Variants in PDZD9 observed in about 807,000 individuals in gnomAD.
The protein encoded by PDZD9 is PDZ domain containing 9, also known as PDZ domain-containing protein 9.
Under a neutral mutation model 16.3 loss-of-function variants are expected in PDZD9, and 13 were observed. The ratio of observed to expected loss-of-function variants is 0.80; its 90% CI spans 0.52 to 1.27. PDZD9 has a LOEUF of 1.27. Ranked by LOEUF, PDZD9 falls within the 50% of genes most tolerant of loss-of-function variation. PDZD9 has a pLI of 0.00. For missense variants in PDZD9, 288 were observed against 310.9 expected, an observed-to-expected ratio of 0.93 and a Z score of 0.55; for synonymous variants, 120 against 111.0, an observed-to-expected ratio of 1.08 and a Z score of -0.51.
intron 3 of PDZD9, among the ~76,000 whole-genome samples, chr16:21,986,194 T>C (rs1898872392): frequency 6.6e-6 from 1 of 152,222 alleles, no homozygotes; most frequent in African/African-American, 2.4e-5. Flanking sequence ...ATACTAGCTT[T>C]GTGAAAGCAT....
At chr16:21,989,715 G>T (rs1898976057) in intron 2 of PDZD9, among the ~76,000 whole-genome samples, 2 of 152,160 alleles carry the variant, frequency 1.3e-5, no homozygotes, top group Non-Finnish European at 2.9e-5. Flanking sequence ...TTGACAGCTA[G>T]GTTTCCCTAC....
the PDZD9 span, chr16:21,972,268 A>G: frequency 9.4e-7 from 1 of 1,059,396 alleles, no homozygotes; most frequent in South Asian, 1.6e-5. Flanking sequence ...TGATTTTAGT[A>G]TCTTTGAAGG....
At chr16:21,985,264 A>G (rs1898848816) in intron 3 of PDZD9, among the ~76,000 whole-genome samples, 2 of 152,074 alleles carry the variant, frequency 1.3e-5, no homozygotes, top group South Asian at 4.1e-4. Flanking sequence ...ACAGGTGTGT[A>G]TGCTGTATGC....
In PDZD9 at chr16:22,001,039, CT is replaced by C. The variant is rs750744332; in HGVS notation, c.8del (p.Lys3ArgfsTer23). 1 of 1,532,330 alleles carries C rather than the reference CT, an allele frequency of 6.5e-7. No individual in the cohort carries two copies. The highest frequency in any genetic ancestry group is 1.2e-5 in the South Asian group (1 of 83,126). The allele number at this position is 1,532,330 out of a possible 1,614,324, so 94.9% of individuals were successfully genotyped here. A position where few individuals can be genotyped will look rare whatever the true frequency, so the allele number is the denominator to read the frequency against. On this transcript the variant is annotated frameshift_variant, in exon 1 of 4. Coordinates refer to ENST00000424898, the MANE Select transcript of PDZD9 (RefSeq NM_001363519.1). LOFTEE classifies it high-confidence loss of function. The stretch of plus-strand genomic sequence containing the variant: ...TACCTTTTTTGTTTTTGTGGGAGGC[CT>C]TCTGCATGGTCCCGGGAGGTCAGGC... MQKASHKNKKERG... is the reference protein window; with the variant it reads MQXASHKNKKERG...
intron 1 of PDZD9, chr16:21,999,363 G>C (rs751659723): frequency 4.0e-5 from 8 of 200,552 alleles, no homozygotes; most frequent in Non-Finnish European, 7.6e-5. Flanking sequence ...AGAGTGAGCT[G>C]CTGTGTTTGG....
At chr16:21,963,171 G>A in the PDZD9 span, 1 of 217,796 alleles carries the variant, frequency 4.6e-6, no homozygotes, top group Admixed American at 5.2e-5. Context: ...TGTATTTTTA[G>A]TAGAAACAGG....
the PDZD9 span, chr16:21,971,657 A>C: frequency 6.3e-7 from 1 of 1,596,958 alleles, no homozygotes; most frequent in East Asian, 2.2e-5. Flanking sequence ...ATTTATCAGA[A>C]GGGCGTTTCC....
the PDZD9 span, among the ~76,000 whole-genome samples, chr16:21,960,793 C>T: frequency 6.6e-6 from 1 of 151,988 alleles, no homozygotes; most frequent in Non-Finnish European, 1.5e-5. Context: ...AGCAGCTGGT[C>T]AGTGGAACAC....
chr16:21,980,620 G>T, downstream of PDZD9: 3 of 1,614,132 alleles, frequency 1.9e-6, no homozygotes, highest in Non-Finnish European at 2.5e-6. Flanking sequence ...CGGGTCCCAG[G>T]CTCTAGTTGC....
At chr16:21,958,576 T>C in the PDZD9 span, 2 of 1,612,476 alleles carry the variant, frequency 1.2e-6, no homozygotes, top group South Asian at 1.1e-5. Context: ...CCCGTGGAAT[T>C]GAAGCAGTTG....
downstream of PDZD9, chr16:21,983,515 A>G: frequency 3.1e-6 from 1 of 320,034 alleles, no homozygotes; most frequent in East Asian, 4.8e-5. Context: ...ATAGTGCCAG[A>G]TTACTATTGG....
chr16:21,957,698 A>G, the PDZD9 span: 1 of 1,307,236 alleles, frequency 7.6e-7, no homozygotes, highest in African/African-American at 1.5e-5. Context: ...CGGACTGGGT[A>G]GCTTAAACCA....
At chr16:21,963,105 C>G in the PDZD9 span, 1 of 396,524 alleles carries the variant, frequency 2.5e-6, no homozygotes, top group South Asian at 3.2e-5. Flanking sequence ...TCTCCTGCCT[C>G]AGCCTCCTGA....
In PDZD9 at chr16:21,996,368, G is replaced by T. The variant is rs1459862652; in HGVS notation, c.165C>A (p.His55Gln). The change falls in exon 2 of 4, where the codon CAC (histidine) becomes CAA (glutamine). Residue 55 changes from histidine to glutamine, a missense_variant. Physicochemically the swap from His to Gln is conservative, Grantham distance 24 (BLOSUM62 0). Transcript: ENST00000424898. ...TGGCTGCAGCCCCCTTCCTGATGAGGTGGGTGATCTGGAGGTAGGGTCCAT... is the reference window on the plus strand; with the variant it reads ...TGGCTGCAGCCCCCTTCCTGATGAGTTGGGTGATCTGGAGGTAGGGTCCAT... ...IQHGPYLQIT[H>Q]LIRKGAAAND... The T allele has an allele frequency of 3.3e-6, 5 of 1,535,974 alleles. No homozygotes were observed. The African/African-American group carries it at 6.8e-5, about 21-fold the overall frequency.
intron 1 of PDZD9, chr16:21,999,651 A>G (rs1899241561): frequency 6.6e-6 from 1 of 152,276 alleles, no homozygotes; most frequent in Non-Finnish European, 1.5e-5. Context: ...AGAATTGCTC[A>G]GTGCAGGAGT....
At chr16:21,961,331 A>C in the PDZD9 span, 1 of 448,746 alleles carries the variant, frequency 2.2e-6, no homozygotes, top group African/African-American at 2.0e-5. Flanking sequence ...TCTTTAGGGA[A>C]ATGGGTAAAG....
the PDZD9 span, chr16:21,965,457 T>C: frequency 6.2e-7 from 1 of 1,613,950 alleles, no homozygotes; most frequent in South Asian, 1.1e-5. Context: ...CCTTGGCTAA[T>C]CCCTTGTATT....
chr16:21,974,029 C>T, the PDZD9 span: 11 of 1,463,226 alleles, frequency 7.5e-6, no homozygotes, highest in Middle Eastern at 1.7e-4. Flanking sequence ...TTCTCCCCCC[C>T]GCCATAAACA....
At chr16:21,987,436 A>G (rs1251928574) in intron 3 of PDZD9, among the ~76,000 whole-genome samples, 2 of 152,064 alleles carry the variant, frequency 1.3e-5, no homozygotes, top group Admixed American at 1.3e-4. Flanking sequence ...AAAAAAAAAT[A>G]CAGTTTTGGT....
Sources: allele counts gnomAD v4.1 joint callset (sites outside exome capture counted in the v4.1 genomes callset), GRCh38; gene constraint gnomAD v4.1.1; transcripts MANE v1.5; gene names NCBI Gene and HGNC (gene_info 2026-07-23, HGNC 2026-07-21).